Variants in PTPRD observed in about 807,000 individuals in gnomAD.
PTPRD encodes the protein protein tyrosine phosphatase receptor type D, also known as receptor-type tyrosine-protein phosphatase delta.
PTPRD carries 34 observed loss-of-function variants against 214.5 expected under a neutral mutation model. That is an observed-to-expected ratio of 0.16 (90% CI 0.12 to 0.21). The LOEUF (loss-of-function observed/expected upper bound fraction) is 0.21, where lower values mean the gene tolerates loss of function less well. Among genes scored for constraint, PTPRD ranks in the 10% least tolerant of loss-of-function variants. The pLI is 1.00. For missense variants in PTPRD, 2,545 were observed against 2,398.7 expected (o/e 1.06, Z -1.27); for synonymous variants, 1,128 against 845.7 (o/e 1.33, Z -5.79).
At chr9:8,523,392 T>C in intron 19 of PTPRD, 121 bp downstream of exon 19, 1 of 1,230,356 alleles carries the variant, frequency 8.1e-7, no homozygotes. Context: ...CATTCTCTGC[T>C]AAAACATACC....
Position 8,353,930 on chromosome 9 carries a change from G to A in PTPRD, c.4662-11952C>T, listed in dbSNP as rs1339302583. 1.6e-3 allele frequency among the ~76,000 whole-genome samples: 154 copies of A among 98,944 alleles called. 10 individuals are homozygous for A. The highest frequency in any genetic ancestry group is 9.3e-3 in the African/African-American group (141 of 15,098). 64.9% of individuals were successfully genotyped at this position (98,944 alleles called of 152,430 possible). ...TATGTGTATATATGTATATATATGTGTGTGTACATATATATATATATATAT... is the reference window on the plus strand; with the variant it reads ...TATGTGTATATATGTATATATATGTATGTGTACATATATATATATATATAT... On this transcript the variant is annotated intron_variant, in intron 39 of 45. Coordinates refer to ENST00000381196, the MANE Select transcript of PTPRD (RefSeq NM_002839.4).
intron 9 of PTPRD, among the ~76,000 whole-genome samples, chr9:9,251,947 C>G (rs1303033240): frequency 6.6e-6 from 1 of 152,046 alleles, no homozygotes; most frequent in Non-Finnish European, 1.5e-5. Flanking sequence ...GTGCCTTCAC[C>G]AAAAACTAGC....
intron 2 of PTPRD, among the ~76,000 whole-genome samples, chr9:10,518,856 A>C (rs2051117890): frequency 6.6e-6 from 1 of 151,864 alleles, no homozygotes; most frequent in Non-Finnish European, 1.5e-5. Flanking sequence ...TTTTTTAAAT[A>C]ATAATTGAAA....
intron 2 of PTPRD, among the ~76,000 whole-genome samples, chr9:10,347,719 T>A (rs2097111585): frequency 6.6e-6 from 1 of 152,030 alleles, no homozygotes; most frequent in East Asian, 2.0e-4. Flanking sequence ...CAGCTATTTG[T>A]CTTTATGCTG....
At chr9:9,630,955 T>C (rs1299965136) in intron 7 of PTPRD, among the ~76,000 whole-genome samples, 3 of 152,078 alleles carry the variant, frequency 2.0e-5, no homozygotes, top group African/African-American at 4.8e-5. Flanking sequence ...AATACAGGAA[T>C]AATGGATGCG....
chr9:9,243,320 T>C (rs1171382307), intron 9 of PTPRD, among the ~76,000 whole-genome samples: 2 of 152,120 alleles, frequency 1.3e-5, no homozygotes, highest in East Asian at 3.9e-4. Flanking sequence ...TACCAAAGCC[T>C]GGCAGAGACA....
At chr9:8,351,741 G>C (rs1323796334) in intron 39 of PTPRD, among the ~76,000 whole-genome samples, 1 of 24,742 alleles carries the variant, frequency 4.0e-5, no homozygotes, top group Admixed American at 5.2e-4. Context: ...TTGGCAAAGA[G>C]TAAAAAAAAA....
intron 14 of PTPRD, among the ~76,000 whole-genome samples, chr9:8,568,898 T>G (rs532065765): frequency 3.2e-4 from 49 of 151,878 alleles, no homozygotes; most frequent in African/African-American, 1.1e-3. Context: ...CCTATGAGCT[T>G]TTGTGTGTCA....
At chr9:8,695,731 G>T (rs915920010) in intron 12 of PTPRD, among the ~76,000 whole-genome samples, 7 of 152,108 alleles carry the variant, frequency 4.6e-5, no homozygotes, top group Non-Finnish European at 7.4e-5. Context: ...TTAATAAACT[G>T]ATCTATGATA....
intron 11 of PTPRD, among the ~76,000 whole-genome samples, chr9:8,962,399 C>G (rs952444704): frequency 6.6e-6 from 1 of 152,018 alleles, no homozygotes; most frequent in Non-Finnish European, 1.5e-5. Flanking sequence ...ACATGCAGGA[C>G]AGATTGTCTC....
chr9:10,509,581 T>TATATATATATATATATATATATATATA (rs1566622187), intron 2 of PTPRD, among the ~76,000 whole-genome samples: 6 of 58,968 alleles, frequency 1.0e-4, no homozygotes, highest in African/African-American at 4.5e-4. Flanking sequence ...ATATATATAT[T>TATATATATATATATATATATATATATA]TTACTCACTT....
intron 2 of PTPRD, among the ~76,000 whole-genome samples, chr9:10,460,483 A>G (rs1415965386): frequency 6.6e-6 from 1 of 152,152 alleles, no homozygotes; most frequent in Admixed American, 6.6e-5. Flanking sequence ...AGTATATTAC[A>G]AAGCTATAGC....
chr9:10,031,647 T>TATATACAC, intron 4 of PTPRD, among the ~76,000 whole-genome samples: 3 of 89,692 alleles, frequency 3.3e-5, no homozygotes, highest in African/African-American at 2.4e-4. Flanking sequence ...TATATATATA[T>TATATACAC]ACACACACAC....
intron 5 of PTPRD, among the ~76,000 whole-genome samples, chr9:9,789,719 C>T (rs1035112027): frequency 1.7e-4 from 23 of 136,928 alleles, no homozygotes; most frequent in African/African-American, 5.8e-4. Context: ...ATGGCGTGAA[C>T]CTGGGAGGCA....
At chr9:10,377,071 G>A (rs1044319448) in intron 2 of PTPRD, among the ~76,000 whole-genome samples, 12 of 151,072 alleles carry the variant, frequency 7.9e-5, no homozygotes, top group Middle Eastern at 3.4e-3. Flanking sequence ...CTTTCCAGCC[G>A]CTGGTAACCA....
intron 2 of PTPRD, among the ~76,000 whole-genome samples, chr9:10,494,988 T>C (rs1242513566): frequency 6.6e-6 from 1 of 151,778 alleles, no homozygotes; most frequent in African/African-American, 2.4e-5. Context: ...CATAAGAATA[T>C]TGCTGATAAT....
chr9:9,837,883 G>C (rs1017763625), intron 5 of PTPRD, among the ~76,000 whole-genome samples: 6 of 152,034 alleles, frequency 3.9e-5, no homozygotes, highest in African/African-American at 1.4e-4. Flanking sequence ...TCGTCATTTA[G>C]CATTAGGTAT....
intron 11 of PTPRD, among the ~76,000 whole-genome samples, chr9:8,835,672 G>A (rs1462426200): frequency 6.6e-6 from 1 of 152,128 alleles, no homozygotes; most frequent in Non-Finnish European, 1.5e-5. Flanking sequence ...TGGAACCACA[G>A]GTGTGTGTCA....
intron 10 of PTPRD, among the ~76,000 whole-genome samples, chr9:9,035,014 T>A (rs546111319): frequency 1.3e-5 from 2 of 152,100 alleles, no homozygotes; most frequent in East Asian, 1.9e-4. Context: ...GTAAGAGAAC[T>A]AAGGTGATAT....
Sources: gnomAD v4.1 joint callset for allele counts (sites outside exome capture counted in the v4.1 genomes callset) on GRCh38, gnomAD v4.1.1 for gene constraint, MANE v1.5 for transcripts, NCBI Gene and HGNC (gene_info 2026-07-23, HGNC 2026-07-21) for gene names.